The following CCDC73 variants were observed in gnomAD, a reference collection of about 807,000 sequenced individuals.
CCDC73 encodes coiled-coil domain-containing protein 73.
In CCDC73, 95 loss-of-function variants were observed where a neutral mutation model predicts 116.5. The observed-to-expected ratio is 0.82, with a 90% CI of 0.69 to 0.97. The LOEUF (loss-of-function observed/expected upper bound fraction) is 0.97. Among genes scored for constraint, CCDC73 ranks in the 50% least tolerant of loss-of-function variants. CCDC73 has a pLI of 0.00. For synonymous variants in CCDC73, 398 were observed against 401.3 expected (o/e 0.99, Z 0.10); for missense variants, 1,066 against 1,206.8 (o/e 0.88, Z 1.73).
chr11:32,773,878 G>T (rs1223683328), intron 1 of CCDC73, among the ~76,000 whole-genome samples: 1 of 151,964 alleles, frequency 6.6e-6, no homozygotes, highest in Non-Finnish European at 1.5e-5. Flanking sequence ...TTCATTAGGG[G>T]TTCACCTCCC....
At position 32,628,041 on chromosome 11, in the gene CCDC73, G is replaced by T. The variant is rs190971440; in HGVS notation, c.1185+7655C>A. Among the ~76,000 whole-genome samples, 4 of 152,216 alleles carry T rather than the reference G, an allele frequency of 2.6e-5. No individual in the cohort carries two copies. In the East Asian group the frequency reaches 7.7e-4, roughly 29 times the overall value. On this transcript the variant is annotated intron_variant, in intron 14 of 17. Transcript: ENST00000335185. ...TAAAAATAGTATACTTCCCTAGAAC[G>T]TATATTGTATGATCTTTAAAATTTA...
chr11:32,607,090 T>A (rs1855362077), intron 17 of CCDC73, among the ~76,000 whole-genome samples: 1 of 50,156 alleles, frequency 2.0e-5, no homozygotes, highest in Admixed American at 1.6e-4. Flanking sequence ...ATTTTTTTTT[T>A]TTTTTTTTTT....
intron 7 of CCDC73, chr11:32,680,050 T>A (rs1324002515): frequency 6.6e-6 from 1 of 152,204 alleles, no homozygotes; most frequent in Non-Finnish European, 1.5e-5. Context: ...CTAAATCACA[T>A]AGGCACCTAC....
At chr11:32,756,937 C>T (rs1850349213) in intron 2 of CCDC73, among the ~76,000 whole-genome samples, 1 of 152,092 alleles carries the variant, frequency 6.6e-6, no homozygotes, top group Non-Finnish European at 1.5e-5. Context: ...TGAATAAGAT[C>T]TGTTCTTGCT....
chr11:32,760,373 G>A (rs1320079208), intron 1 of CCDC73, 115 bp from the exon 2 acceptor site: 1 of 602,974 alleles, frequency 1.7e-6, no homozygotes, highest in Non-Finnish European at 2.8e-6. Context: ...TTTCAGCACT[G>A]AATAACAGTT....
chr11:32,667,784 C>T (rs1420736944), intron 9 of CCDC73, among the ~76,000 whole-genome samples: 1 of 152,178 alleles, frequency 6.6e-6, no homozygotes, highest in African/African-American at 2.4e-5. Flanking sequence ...GGAGCTGTTC[C>T]TATTCAGCCA....
At chr11:32,686,688 C>T (rs1856204988) in intron 6 of CCDC73, among the ~76,000 whole-genome samples, 1 of 152,136 alleles carries the variant, frequency 6.6e-6, no homozygotes, top group Non-Finnish European at 1.5e-5. Context: ...ACCTTATTAT[C>T]TCTGCATTTT....
the CCDC73 span, among the ~76,000 whole-genome samples, chr11:32,823,129 G>T: frequency 6.6e-6 from 1 of 151,860 alleles, no homozygotes; most frequent in Non-Finnish European, 1.5e-5. Flanking sequence ...AAAGGAAAAA[G>T]GATGAAAGAC....
chr11:32,742,268 C>A (rs1475532116), intron 2 of CCDC73, among the ~76,000 whole-genome samples: 1 of 152,148 alleles, frequency 6.6e-6, no homozygotes, highest in African/African-American at 2.4e-5. Flanking sequence ...AATTTATACT[C>A]CCACCAACGT....
chr11:32,685,286 A>C lies in CCDC73; in HGVS notation c.391-1712T>G, dbSNP rs1397524125. On this transcript the variant is annotated intron_variant, in intron 6 of 17. Coordinates refer to ENST00000335185, the MANE Select transcript of CCDC73 (RefSeq NM_001008391.4). ...TGGACCAAAAAAAAAAAAAAAAAAAAACTCCTGCCCAGCTTAAATTCTGGG... is the reference window on the plus strand; with the variant it reads ...TGGACCAAAAAAAAAAAAAAAAAAACACTCCTGCCCAGCTTAAATTCTGGG... Among the ~76,000 whole-genome samples, 4 of 149,290 alleles carry C rather than the reference A, an allele frequency of 2.7e-5. No individual in the cohort carries two copies. The South Asian group carries it at 6.3e-4, about 24-fold the overall frequency.
At chr11:32,785,589 C>G (rs116947215) in intron 1 of CCDC73, among the ~76,000 whole-genome samples, 4,703 of 151,826 alleles carry the variant, frequency 0.031, 107 homozygotes, top group Non-Finnish European at 0.051. Context: ...TTTTTAGAGA[C>G]AGACAGGCTA....
chr11:32,716,538 TA>T (rs1436030829), intron 3 of CCDC73, among the ~76,000 whole-genome samples: 3 of 152,198 alleles, frequency 2.0e-5, no homozygotes, highest in African/African-American at 7.2e-5. Flanking sequence ...GTACCAAAAA[TA>T]TGTTCTTGAC....
chr11:32,715,078 T>C (rs1296812589), intron 3 of CCDC73, among the ~76,000 whole-genome samples: 1 of 152,184 alleles, frequency 6.6e-6, no homozygotes, highest in Non-Finnish European at 1.5e-5. Flanking sequence ...GAGCTAAAGA[T>C]TGCAATGCTT....
chr11:32,746,685 A>G (rs907201390), intron 2 of CCDC73, among the ~76,000 whole-genome samples: 1 of 152,012 alleles, frequency 6.6e-6, no homozygotes, highest in Non-Finnish European at 1.5e-5. Flanking sequence ...TTGATCTTCA[A>G]TCACTGATAT....
chr11:32,667,004 G>C (rs1210439328), intron 9 of CCDC73, among the ~76,000 whole-genome samples: 1 of 152,186 alleles, frequency 6.6e-6, no homozygotes, highest in Non-Finnish European at 1.5e-5. Context: ...GTTGCTGCCT[G>C]ATTGTTCCTC....
the CCDC73 span, among the ~76,000 whole-genome samples, chr11:32,827,835 C>T: frequency 6.6e-6 from 1 of 152,190 alleles, no homozygotes; most frequent in Non-Finnish European, 1.5e-5. Flanking sequence ...GTGTCCATCT[C>T]CCCACCAGGA....
chr11:32,670,165 A>T (rs1468063828), intron 9 of CCDC73, among the ~76,000 whole-genome samples: 4 of 152,198 alleles, frequency 2.6e-5, no homozygotes, highest in Admixed American at 2.6e-4. Flanking sequence ...TGATTTTCCT[A>T]TATTTTTTCC....
At chr11:32,747,769 G>T (rs1034966079) in intron 2 of CCDC73, among the ~76,000 whole-genome samples, 1 of 152,208 alleles carries the variant, frequency 6.6e-6, no homozygotes, top group Non-Finnish European at 1.5e-5. Context: ...GGCACAGGAG[G>T]GAATCTCCTG....
rs116497490 is a variant in CCDC73, at chr11:32,716,465, C to A, written c.207+1611G>T. On this transcript the variant is annotated intron_variant, in intron 3 of 17. Transcript: ENST00000335185. ...TCAAGTATGACTATTTCATTCCCTTCTTTTTAAATTTCCCAGCCACTCTTG... is the reference window on the plus strand; with the variant it reads ...TCAAGTATGACTATTTCATTCCCTTATTTTTAAATTTCCCAGCCACTCTTG... Among the ~76,000 whole-genome samples the A allele has an allele frequency of 7.2e-3, 1,089 of 152,256 alleles. 17 individuals are homozygous for A. Among genetic ancestry groups the A allele is most frequent in the African/African-American group, 0.025 (1,050 of 41,554 alleles).
Sources: gnomAD v4.1 joint callset for allele counts (sites outside exome capture counted in the v4.1 genomes callset) on GRCh38, gnomAD v4.1.1 for gene constraint, MANE v1.5 for transcripts, NCBI Gene and HGNC (gene_info 2026-07-23, HGNC 2026-07-21) for gene names.